Variants in PRKAG2 observed in about 807,000 individuals in gnomAD.
PRKAG2 encodes the protein protein kinase AMP-activated non-catalytic subunit gamma 2.
PRKAG2 carries 26 observed loss-of-function variants against 69.6 expected under a neutral mutation model. The observed-to-expected ratio is 0.37, with a 90% CI of 0.27 to 0.52. The LOEUF is 0.52. PRKAG2 is among the 20% of genes least tolerant of loss of function. The pLI is 0.90. For missense variants in PRKAG2, 557 were observed against 740.0 expected (o/e 0.75, Z 2.87); for synonymous variants, 293 against 285.0 (o/e 1.03, Z -0.28).
chr7:151,698,923 AC>A (rs1375200098), intron 3 of PRKAG2, among the ~76,000 whole-genome samples: 7 of 152,160 alleles, frequency 4.6e-5, no homozygotes, highest in African/African-American at 1.7e-4. Flanking sequence ...ACTCCAAGCC[AC>A]CCTGAGATGC....
chr7:151,692,970 G>A (rs1012608819), intron 3 of PRKAG2, among the ~76,000 whole-genome samples: 3 of 152,156 alleles, frequency 2.0e-5, no homozygotes, highest in Admixed American at 6.5e-5. Flanking sequence ...AGACAGCTGT[G>A]CTCACACAGC....
chr7:151,595,271 G>C, intron 6 of PRKAG2, 74 bp downstream of exon 6: 1 of 1,078,250 alleles, frequency 9.3e-7, no homozygotes, highest in Non-Finnish European at 1.4e-6. Flanking sequence ...TGGCATTGCT[G>C]GTTTTAAATT....
At chr7:151,783,299 T>A (rs2151809849) in intron 2 of PRKAG2, among the ~76,000 whole-genome samples, 1 of 152,340 alleles carries the variant, frequency 6.6e-6, no homozygotes, top group South Asian at 2.1e-4. Context: ...TATAGGACCT[T>A]GTAACTCAAG....
At chr7:151,869,955 T>C (rs2080175195) in intron 1 of PRKAG2, among the ~76,000 whole-genome samples, 1 of 152,202 alleles carries the variant, frequency 6.6e-6, no homozygotes, top group South Asian at 2.1e-4. Context: ...CAAGAAAGCT[T>C]GCAGCGTGGC....
chr7:151,876,744 G>A lies in PRKAG2; in HGVS notation c.-124C>T. Reference sequence around the variant, plus strand: ...TTACACCCTGAAGCCACCTCGTGGGGACTTCCGCGGAGAGGGAGGGTGAGC... The same window carrying A: ...TTACACCCTGAAGCCACCTCGTGGGAACTTCCGCGGAGAGGGAGGGTGAGC... On this transcript the variant is annotated 5_prime_UTR_variant, in exon 1 of 16. Transcript: ENST00000287878. 1 of 929,050 alleles carries A rather than the reference G, an allele frequency of 1.1e-6. No homozygotes were observed. Among genetic ancestry groups the A allele is most frequent in the Non-Finnish European group, 1.7e-6 (1 of 593,076 alleles). 57.6% of individuals were successfully genotyped at this position (929,050 alleles called of 1,614,324 possible).
At chr7:151,598,747 C>T (rs1305582351) in intron 5 of PRKAG2, among the ~76,000 whole-genome samples, 1 of 152,152 alleles carries the variant, frequency 6.6e-6, no homozygotes, top group African/African-American at 2.4e-5. Flanking sequence ...CGGACTTACA[C>T]AGGGAACAGA....
intron 4 of PRKAG2, among the ~76,000 whole-genome samples, chr7:151,667,164 T>A (rs562219495): frequency 6.6e-6 from 1 of 152,316 alleles, no homozygotes; most frequent in East Asian, 1.9e-4. Context: ...GTCCTCCCTG[T>A]GGGTTAGCTG....
At position 151,649,713 on chromosome 7, in the gene PRKAG2, C is replaced by T. The variant is rs142839678; in HGVS notation, c.685-17575G>A. Among the ~76,000 whole-genome samples the T allele has an allele frequency of 1.5e-3, 229 of 152,266 alleles. 1 individual carries two copies. The highest frequency in any genetic ancestry group is 5.2e-3 in the African/African-American group (217 of 41,550). ...CATGCAGTGCCTCCCCTCCTTCTTG[C>T]TCCTGCTCCCGCCACGTGAGGTATG... On this transcript the variant is annotated intron_variant, in intron 4 of 15. Transcript: ENST00000287878.
intron 1 of PRKAG2, among the ~76,000 whole-genome samples, chr7:151,847,676 C>G (rs1204882056): frequency 6.6e-6 from 1 of 152,270 alleles, no homozygotes; most frequent in African/African-American, 2.4e-5. Context: ...AAAGCACCGA[C>G]AAGCTCCGCT....
chr7:151,734,404 C>T (rs1799434141), intron 3 of PRKAG2: 1 of 152,198 alleles, frequency 6.6e-6, no homozygotes, highest in African/African-American at 2.4e-5. Context: ...CCTCATTTTA[C>T]TCATCCCCTA....
chr7:151,647,816 G>T (rs1439422713), intron 4 of PRKAG2, among the ~76,000 whole-genome samples: 1 of 152,244 alleles, frequency 6.6e-6, no homozygotes, highest in African/African-American at 2.4e-5. Flanking sequence ...ATACAGTAGA[G>T]AGGGTTGGCT....
intron 3 of PRKAG2, among the ~76,000 whole-genome samples, chr7:151,734,835 C>G (rs1389897797): frequency 6.7e-6 from 1 of 150,330 alleles, no homozygotes; most frequent in Admixed American, 6.6e-5. Context: ...ATAGGCCCAG[C>G]CTAAATCTGA....
chr7:151,599,022 T>A (rs952103119), intron 5 of PRKAG2, among the ~76,000 whole-genome samples: 1 of 152,094 alleles, frequency 6.6e-6, no homozygotes, highest in East Asian at 1.9e-4. Flanking sequence ...TGGCTAATAT[T>A]TGTATTTTTA....
Position 151,780,022 on chromosome 7 carries a change from GC to G in PRKAG2, c.466+1129del, listed in dbSNP as rs1768846238. Among the ~76,000 whole-genome samples the G allele has an allele frequency of 6.6e-6, 1 of 152,034 alleles. No individual in the cohort carries two copies. The highest frequency in any genetic ancestry group is 2.1e-4 in the South Asian group (1 of 4,820). ...TGTGTGTAGAGCATGGTCAGGACCT[GC>G]CCCCCACAACACACACACAACCCAC... is the stretch of plus-strand genomic sequence containing the variant. On this transcript the variant is annotated intron_variant, in intron 3 of 15. Coordinates refer to ENST00000287878, the MANE Select transcript of PRKAG2 (RefSeq NM_016203.4). This position sits in a 1 kb window ranked among gnomAD's most constrained non-coding sequence, Gnocchi z 4.2.
At chr7:151,604,606 C>T (rs980821983) in intron 5 of PRKAG2, among the ~76,000 whole-genome samples, 3 of 152,232 alleles carry the variant, frequency 2.0e-5, no homozygotes, top group South Asian at 4.1e-4. Flanking sequence ...CTACTGCCCT[C>T]CAGCCTGGGT....
chr7:151,727,018 C>T (rs1798091373), intron 3 of PRKAG2, among the ~76,000 whole-genome samples: 1 of 152,030 alleles, frequency 6.6e-6, no homozygotes, highest in Non-Finnish European at 1.5e-5. Context: ...GAATTCAAGA[C>T]CAGTCTGACC....
At chr7:151,591,589 C>T (rs1050139107) in intron 6 of PRKAG2, among the ~76,000 whole-genome samples, 37 of 152,214 alleles carry the variant, frequency 2.4e-4, no homozygotes, top group African/African-American at 6.5e-4. Context: ...GCCACTGCAA[C>T]CACCAGGCAG....
At chr7:151,683,439 G>A (rs936133761) in intron 3 of PRKAG2, among the ~76,000 whole-genome samples, 1 of 152,186 alleles carries the variant, frequency 6.6e-6, no homozygotes, top group Non-Finnish European at 1.5e-5. Flanking sequence ...TAGACCAGAT[G>A]CCTATCTGGT....
rs543370689 is a variant in PRKAG2 at position 151,578,363 on chromosome 7, T to C, written c.865-1911A>G. Reference sequence around the variant, plus strand: ...TGTCTCAAACAAGCAAACAAACAAATGAACAAACAAAACAAACAAAATCCT... The same window carrying C: ...TGTCTCAAACAAGCAAACAAACAAACGAACAAACAAAACAAACAAAATCCT... On this transcript the variant is annotated intron_variant, in intron 6 of 15. Coordinates refer to ENST00000287878, the MANE Select transcript of PRKAG2 (RefSeq NM_016203.4). 1.2e-4 allele frequency among the ~76,000 whole-genome samples: 18 copies of C among 152,058 alleles called. No homozygotes were observed. In the East Asian group the frequency reaches 2.7e-3, roughly 23 times the overall value.
Sources: gnomAD v4.1 joint callset for allele counts (sites outside exome capture counted in the v4.1 genomes callset) on GRCh38, gnomAD v4.1.1 for gene constraint, Gnocchi (gnomAD v3.1) non-coding constraint, MANE v1.5 for transcripts, NCBI Gene and HGNC (gene_info 2026-07-23, HGNC 2026-07-21) for gene names.